The following SYNE1 variants were observed in gnomAD, a reference collection of about 807,000 sequenced individuals.
SYNE1 encodes the protein nesprin-1.
A neutral mutation model predicts 1,111.0 loss-of-function variants in SYNE1; 616 were observed. The ratio of observed to expected loss-of-function variants is 0.55; its 90% CI spans 0.52 to 0.59. The LOEUF is 0.59. SYNE1 is among the 20% of genes least tolerant of loss of function. The pLI is 0.00. For synonymous variants in SYNE1, 3,855 were observed against 3,825.8 expected, an observed-to-expected ratio of 1.01 and a Z score of -0.28; for missense variants, 10,006 against 10,417.0, an observed-to-expected ratio of 0.96 and a Z score of 1.72.
chr6:152,558,032 G>T (rs1257430782), intron 3 of SYNE1, among the ~76,000 whole-genome samples: 2 of 152,120 alleles, frequency 1.3e-5, no homozygotes, highest in Non-Finnish European at 2.9e-5. Flanking sequence ...AATATAAAAA[G>T]ATGTAAATTG....
At chr6:152,437,110 C>T (rs956633270) in intron 32 of SYNE1, among the ~76,000 whole-genome samples, 3 of 151,890 alleles carry the variant, frequency 2.0e-5, no homozygotes, top group Admixed American at 2.0e-4. Context: ...GGCATAATGG[C>T]GCCACTACAT....
intron 129 of SYNE1, 39 bp downstream of exon 129, chr6:152,180,097 T>C (rs375954318): frequency 6.2e-7 from 1 of 1,611,804 alleles, no homozygotes; most frequent in Non-Finnish European, 8.5e-7. Context: ...ACATAAGCCT[T>C]ATGAAGAATG....
rs955203703 is a variant in SYNE1, at chr6:152,442,390, C to T, written c.3838-145G>A. 28 of 855,614 alleles carry T rather than the reference C, an allele frequency of 3.3e-5. No individual in the cohort carries two copies. In the African/African-American group the frequency reaches 3.7e-4, roughly 11 times the overall value. 53.0% of individuals were successfully genotyped at this position (855,614 alleles called of 1,614,324 possible). The stretch of plus-strand genomic sequence containing the variant: ...TAAGATTAACAGTTGAAATGGTAGT[C>T]GGTTGCTATATTAGTCAAAGATGAA... On this transcript the variant is annotated intron_variant, in intron 30 of 145. Transcript: ENST00000367255.
At chr6:152,469,004 C>T (rs1012089487) in intron 16 of SYNE1, among the ~76,000 whole-genome samples, 4 of 152,098 alleles carry the variant, frequency 2.6e-5, no homozygotes, top group African/African-American at 9.7e-5. Flanking sequence ...TCTCAAACTC[C>T]TGGCCTCAAG....
intron 56 of SYNE1, among the ~76,000 whole-genome samples, chr6:152,377,608 T>TAAAAAAA (rs869031827): frequency 3.2e-5 from 1 of 31,368 alleles, no homozygotes; most frequent in Non-Finnish European, 6.2e-5. Flanking sequence ...AACTCCGTCT[T>TAAAAAAA]AAAAAAAAAA....
intron 130 of SYNE1, among the ~76,000 whole-genome samples, chr6:152,175,414 G>C (rs182554281): frequency 6.6e-6 from 1 of 152,168 alleles, no homozygotes; most frequent in South Asian, 2.1e-4. Context: ...ATTGTTTCAC[G>C]TCCACTTTTA....
intron 105 of SYNE1, 41 bp from the exon 106 acceptor site, chr6:152,244,697 C>A (rs376514769): frequency 6.2e-7 from 1 of 1,612,800 alleles, no homozygotes; most frequent in Non-Finnish European, 8.5e-7. Flanking sequence ...CTCCCATGAA[C>A]AATTTCCCCA....
intron 46 of SYNE1, 136 bp downstream of exon 46, chr6:152,404,077 A>G: frequency 1.9e-6 from 1 of 525,024 alleles, no homozygotes; most frequent in Admixed American, 3.0e-5. Flanking sequence ...TATCAGATAT[A>G]GATATATACG....
intron 145 of SYNE1, among the ~76,000 whole-genome samples, chr6:152,124,181 C>T (rs1186095661): frequency 6.6e-6 from 1 of 152,142 alleles, no homozygotes; most frequent in Non-Finnish European, 1.5e-5. Flanking sequence ...TGGCGTGTGC[C>T]TGTAGTCCCA....
chr6:152,485,090 G>A, intron 12 of SYNE1, 118 bp from the exon 13 acceptor site: 1 of 1,168,588 alleles, frequency 8.6e-7, no homozygotes, highest in Non-Finnish European at 1.2e-6. Context: ...ATATGTTGTT[G>A]ATAATAATAA....
At chr6:152,170,517 G>T (rs1184699431) in intron 130 of SYNE1, among the ~76,000 whole-genome samples, 2 of 152,212 alleles carry the variant, frequency 1.3e-5, no homozygotes, top group African/African-American at 4.8e-5. Flanking sequence ...TTAGTTCTGT[G>T]CTGTTTCTGT....
At chr6:152,420,329 A>T (rs1271963206) in intron 39 of SYNE1, among the ~76,000 whole-genome samples, 1 of 152,184 alleles carries the variant, frequency 6.6e-6, no homozygotes, top group Non-Finnish European at 1.5e-5. Flanking sequence ...ACTAAGAAAA[A>T]ACTTCCATGG....
chr6:152,268,847 TTAAA>T (rs1442106020), intron 99 of SYNE1, among the ~76,000 whole-genome samples: 5 of 152,138 alleles, frequency 3.3e-5, no homozygotes, highest in African/African-American at 7.2e-5. Flanking sequence ...TATATTAAAA[TTAAA>T]TAGATTCAGA....
In SYNE1 at chr6:152,321,900, A is replaced by G. The variant is rs1222332572; in HGVS notation, c.15918-14T>C. Reference sequence around the variant, plus strand: ...TTCTCCTGCATGCTTCAGAAACATTACAGGGATAAAACAGAAGTGAAGTGA... The same window carrying G: ...TTCTCCTGCATGCTTCAGAAACATTGCAGGGATAAAACAGAAGTGAAGTGA... On this transcript the variant is annotated splice_polypyrimidine_tract_variant and intron_variant, in intron 82 of 145. Coordinates refer to ENST00000367255, the MANE Select transcript of SYNE1 (RefSeq NM_182961.4). 1 of 1,614,050 alleles carries G rather than the reference A, an allele frequency of 6.2e-7. No homozygotes were observed.
chr6:152,629,538 A>AGGGGGGGGGG (rs2099693875), intron 2 of SYNE1, among the ~76,000 whole-genome samples: 2 of 13,928 alleles, frequency 1.4e-4, no homozygotes, highest in Non-Finnish European at 2.3e-4. Context: ...GGGGGGGGGG[A>AGGGGGGGGGG]GGGGGAGGGG....
intron 124 of SYNE1, among the ~76,000 whole-genome samples, chr6:152,210,622 T>C (rs2077354548): frequency 6.6e-6 from 1 of 152,184 alleles, no homozygotes. Flanking sequence ...TTTTTTATTT[T>C]TTGAAAAAAT....
At chr6:152,405,167 C>T (rs1021672860) in intron 45 of SYNE1, among the ~76,000 whole-genome samples, 4 of 152,216 alleles carry the variant, frequency 2.6e-5, no homozygotes, top group Non-Finnish European at 5.9e-5. Context: ...TGGGCTGAAT[C>T]TGATTCACTG....
rs1161566694 is a variant in SYNE1 at position 152,433,956 on chromosome 6, C to A, written c.4311-11G>T. On this transcript the variant is annotated splice_polypyrimidine_tract_variant and intron_variant, in intron 33 of 145. Coordinates refer to ENST00000367255, the MANE Select transcript of SYNE1 (RefSeq NM_182961.4). ...TCCATGGTTTTAATACTAAAATTAA[C>A]CAAATTAAGTAAATAAAACTCAGTA... 6.2e-7 allele frequency: 1 copy of A among 1,605,898 alleles called. No individual in the cohort carries two copies. The highest frequency in any genetic ancestry group is 2.2e-5 in the East Asian group (1 of 44,666).
chr6:152,331,087 AG>A lies in SYNE1; in HGVS notation c.13597del (p.Leu4533TrpfsTer25). On this transcript the variant is annotated frameshift_variant, in exon 78 of 146. Transcript: ENST00000367255. LOFTEE classifies it high-confidence loss of function. Reference protein sequence around the residue: ...EVTEQEKSEVLGKLQELQSVY... With the variant: ...EVTEQEKSEVXGKLQELQSVY... ...ACTCTGCAATTCCTGAAGCTTCCCC[AG>A]CACTTCACTCTTTTCCTGCTCTGTG... 1 of 1,614,154 alleles carries A rather than the reference AG, an allele frequency of 6.2e-7. No individual in the cohort carries two copies. The highest frequency in any genetic ancestry group is 8.5e-7 in the Non-Finnish European group (1 of 1,180,036).
Sources: allele counts gnomAD v4.1 joint callset (sites outside exome capture counted in the v4.1 genomes callset), GRCh38; gene constraint gnomAD v4.1.1; transcripts MANE v1.5; gene names NCBI Gene and HGNC (gene_info 2026-07-23, HGNC 2026-07-21).